BCKDHB: variants seen among roughly 807,000 people sequenced by gnomAD.
BCKDHB encodes branched chain keto acid dehydrogenase E1 subunit beta.
BCKDHB carries 41 observed loss-of-function variants against 48.5 expected under a neutral mutation model. The ratio of observed to expected loss-of-function variants is 0.85; its 90% CI spans 0.66 to 1.10. BCKDHB has a LOEUF of 1.10. Ranked by LOEUF, BCKDHB falls within the 50% of genes least tolerant of loss-of-function variation. The pLI, the probability that BCKDHB is intolerant of heterozygous loss-of-function variation, is 0.00. For missense variants in BCKDHB, 496 were observed against 494.2 expected (o/e 1.00, Z -0.03); for synonymous variants, 201 against 174.8 (o/e 1.15, Z -1.18).
At chr6:80,349,508 A>T (rs1371305660), downstream of BCKDHB, among the ~76,000 whole-genome samples, 1 of 152,250 alleles carries the variant, frequency 6.6e-6, no homozygotes, top group African/African-American at 2.4e-5. Context: ...TCCCTAATTA[A>T]TAAGAAAGAA....
At chr6:80,236,642 A>G (rs914679395) in intron 8 of BCKDHB, among the ~76,000 whole-genome samples, 1 of 152,176 alleles carries the variant, frequency 6.6e-6, no homozygotes, top group Non-Finnish European at 1.5e-5. Context: ...AGTCATTGAG[A>G]GGTTGAGTAA....
intron 1 of BCKDHB, among the ~76,000 whole-genome samples, chr6:80,115,301 C>T (rs978398934): frequency 3.3e-5 from 5 of 152,172 alleles, no homozygotes; most frequent in South Asian, 2.1e-4. Context: ...TCACGTACTA[C>T]TGTGCCTGGC....
chr6:80,139,219 G>C (rs1054511712), intron 3 of BCKDHB, among the ~76,000 whole-genome samples: 2 of 152,100 alleles, frequency 1.3e-5, no homozygotes, highest in South Asian at 2.1e-4. Context: ...TGTCAGATGA[G>C]TAAGTTGTGA....
chr6:80,403,756 A>G, the BCKDHB span, among the ~76,000 whole-genome samples: 31 of 152,068 alleles, frequency 2.0e-4, no homozygotes, highest in Admixed American at 1.4e-3. Context: ...CATTCTTTCT[A>G]TATCTAATTG....
At chr6:80,106,660 C>T (rs1376835767), upstream of BCKDHB, 3 of 1,545,284 alleles carry the variant, frequency 1.9e-6, no homozygotes, top group Admixed American at 2.0e-5. Flanking sequence ...CGGCGTGCGG[C>T]TGCATAGCCT....
At chr6:80,367,893 A>G in the BCKDHB span, among the ~76,000 whole-genome samples, 1 of 152,376 alleles carries the variant, frequency 6.6e-6, no homozygotes, top group Admixed American at 6.5e-5. Context: ...TGCCCCATCC[A>G]ACTTTGCTTA....
intron 6 of BCKDHB, among the ~76,000 whole-genome samples, chr6:80,187,705 A>AT (rs1773710135): frequency 2.6e-5 from 4 of 152,204 alleles, no homozygotes; most frequent in African/African-American, 9.6e-5. Flanking sequence ...ACAATCATGT[A>AT]GCCAACAAGC....
chr6:80,210,395 A>G (rs1774868416), intron 8 of BCKDHB, among the ~76,000 whole-genome samples: 1 of 152,136 alleles, frequency 6.6e-6, no homozygotes, highest in South Asian at 2.1e-4. Flanking sequence ...AAACTAATTG[A>G]TGATGTTAGA....
At chr6:80,211,920 G>T (rs547931841) in intron 8 of BCKDHB, among the ~76,000 whole-genome samples, 1 of 152,138 alleles carries the variant, frequency 6.6e-6, no homozygotes, top group Non-Finnish European at 1.5e-5. Flanking sequence ...AGGGGAGGGG[G>T]TGTAAAACAG....
chr6:80,333,666 A>G, intron 9 of BCKDHB, among the ~76,000 whole-genome samples: 1 of 152,132 alleles, frequency 6.6e-6, no homozygotes, highest in East Asian at 1.9e-4. Context: ...TAATTGAGGG[A>G]CATGATTGAA....
chr6:80,222,371 C>G (rs1267700425), intron 8 of BCKDHB, among the ~76,000 whole-genome samples: 1 of 152,190 alleles, frequency 6.6e-6, no homozygotes, highest in Non-Finnish European at 1.5e-5. Flanking sequence ...ATCTTCAACT[C>G]TAAAGCCAAT....
At chr6:80,180,213 A>G (rs893278352) in intron 6 of BCKDHB, among the ~76,000 whole-genome samples, 3 of 152,392 alleles carry the variant, frequency 2.0e-5, no homozygotes, top group Non-Finnish European at 4.4e-5. Flanking sequence ...CAATCAATAT[A>G]TATAAAACTT....
At chr6:80,431,982 G>A in the BCKDHB span, among the ~76,000 whole-genome samples, 33 of 151,984 alleles carry the variant, frequency 2.2e-4, no homozygotes, top group Non-Finnish European at 4.4e-4. Context: ...GAAATTCTGG[G>A]TTGAAAATTA....
At chr6:80,377,778 T>C in the BCKDHB span, among the ~76,000 whole-genome samples, 2 of 152,220 alleles carry the variant, frequency 1.3e-5, no homozygotes, top group African/African-American at 4.8e-5. Flanking sequence ...TCTCCTACTA[T>C]ATTTTTCTGT....
At chr6:80,361,995 A>G in the BCKDHB span, among the ~76,000 whole-genome samples, 1 of 152,048 alleles carries the variant, frequency 6.6e-6, no homozygotes, top group Admixed American at 6.6e-5. Flanking sequence ...ATATTTATTT[A>G]TTGTATTATT....
the BCKDHB span, chr6:80,355,720 C>T: frequency 2.0e-5 from 3 of 152,074 alleles, no homozygotes; most frequent in African/African-American, 7.2e-5. Context: ...TGGGGAATTG[C>T]GTGAGGGTTG....
intron 8 of BCKDHB, among the ~76,000 whole-genome samples, chr6:80,225,777 T>C (rs1016276894): frequency 6.6e-6 from 1 of 152,200 alleles, no homozygotes; most frequent in Non-Finnish European, 1.5e-5. Context: ...TTCATTCTGC[T>C]CCTTCCTTTG....
chr6:80,346,646 A>G (rs2128023186), downstream of BCKDHB, among the ~76,000 whole-genome samples: 1 of 152,196 alleles, frequency 6.6e-6, no homozygotes, highest in South Asian at 2.1e-4. Context: ...GTTTGTCGTG[A>G]TGTTGCAAAG....
chr6:80,371,379 G>A, the BCKDHB span, among the ~76,000 whole-genome samples: 58,652 of 151,808 alleles, frequency 0.39, 12,546 homozygotes, highest in East Asian at 0.66. Flanking sequence ...GTAGAGTCAG[G>A]ATATTAATCT....
Sources: gnomAD v4.1 joint callset for allele counts (sites outside exome capture counted in the v4.1 genomes callset) on GRCh38, gnomAD v4.1.1 for gene constraint, MANE v1.5 for transcripts, NCBI Gene and HGNC (gene_info 2026-07-23, HGNC 2026-07-21) for gene names.